The following GRIK2 variants were observed in gnomAD, a reference collection of about 807,000 sequenced individuals.
GRIK2 encodes glutamate ionotropic receptor kainate type subunit 2.
Under a neutral mutation model 100.3 loss-of-function variants are expected in GRIK2, and 32 were observed. That is an observed-to-expected ratio of 0.32 (90% CI 0.24 to 0.43). The LOEUF (loss-of-function observed/expected upper bound fraction) is 0.43. Among genes scored for constraint, GRIK2 ranks in the 20% least tolerant of loss-of-function variants. The pLI is 1.00. For synonymous variants in GRIK2, 417 were observed against 389.4 expected, an observed-to-expected ratio of 1.07 and a Z score of -0.83; for missense variants, 843 against 1,114.9, an observed-to-expected ratio of 0.76 and a Z score of 3.47.
rs1159020887 is a variant in GRIK2 at position 101,546,868 on chromosome 6, T to C, written c.116-75081T>C. The stretch of plus-strand genomic sequence containing the variant: ...TTTTTGGAGACGGAGTCTCGCTCTG[T>C]CGCCCAGGCTGGAGTGCAGTGGCGG... On this transcript the variant is annotated intron_variant, in intron 2 of 16. Transcript: ENST00000369134. 2.3e-5 allele frequency among the ~76,000 whole-genome samples: 3 copies of C among 128,356 alleles called. No individual in the cohort carries two copies. The Admixed American group carries it at 2.5e-4, about 11-fold the overall frequency. 84.2% of individuals were successfully genotyped at this position (128,356 alleles called of 152,430 possible). A position where few individuals can be genotyped will look rare whatever the true frequency, so the allele number is the denominator to read the frequency against.
intron 4 of GRIK2, among the ~76,000 whole-genome samples, chr6:101,652,303 A>G (rs1712423712): frequency 6.6e-6 from 1 of 152,130 alleles, no homozygotes; most frequent in Admixed American, 6.6e-5. Context: ...TTACCATAAG[A>G]GGCCAGAGAG....
chr6:101,508,500 T>A (rs935822007), intron 2 of GRIK2, among the ~76,000 whole-genome samples: 1 of 152,120 alleles, frequency 6.6e-6, no homozygotes, highest in African/African-American at 2.4e-5. Flanking sequence ...AAATATTGAT[T>A]TTTTTGTTAA....
chr6:102,011,741 C>A (rs1027903428), intron 14 of GRIK2, among the ~76,000 whole-genome samples: 1 of 151,736 alleles, frequency 6.6e-6, no homozygotes, highest in South Asian at 2.1e-4. Flanking sequence ...CCTGCCACCA[C>A]GCCCGGCTAA....
At chr6:101,730,794 G>A (rs1001258049) in intron 7 of GRIK2, among the ~76,000 whole-genome samples, 3 of 150,366 alleles carry the variant, frequency 2.0e-5, no homozygotes, top group African/African-American at 7.4e-5. Flanking sequence ...ATACTTCACA[G>A]CTGGGCAAGA....
intron 7 of GRIK2, among the ~76,000 whole-genome samples, chr6:101,732,329 T>C (rs1274460546): frequency 6.6e-6 from 1 of 152,054 alleles, no homozygotes; most frequent in Admixed American, 6.6e-5. Flanking sequence ...AATGATATTT[T>C]TAAAAAATTA....
At chr6:102,028,282 A>C (rs1769806232) in intron 14 of GRIK2, among the ~76,000 whole-genome samples, 1 of 151,194 alleles carries the variant, frequency 6.6e-6, no homozygotes. Flanking sequence ...TTTATTTTTG[A>C]CAAAAATACA....
rs1054523851 is a variant in GRIK2 at position 101,447,690 on chromosome 6, A to T, written c.115+48298A>T. ...TCTCACAGATTGATTTTTATTTATG[A>T]CCATCTTGAACTATTGATGAGACAT... On this transcript the variant is annotated intron_variant, in intron 2 of 16. Transcript: ENST00000369134. Among the ~76,000 whole-genome samples the T allele has an allele frequency of 2.6e-5, 4 of 151,630 alleles. No homozygotes were observed. In the East Asian group the frequency reaches 7.7e-4, roughly 29 times the overall value.
intron 2 of GRIK2, among the ~76,000 whole-genome samples, chr6:101,410,779 A>G (rs1775853048): frequency 6.6e-6 from 1 of 152,164 alleles, no homozygotes; most frequent in Admixed American, 6.6e-5. Flanking sequence ...TGTACCCCTG[A>G]ACCTAAAGTC....
chr6:102,020,316 A>G (rs897351914), intron 14 of GRIK2, among the ~76,000 whole-genome samples: 3 of 151,958 alleles, frequency 2.0e-5, no homozygotes, highest in African/African-American at 7.2e-5. Flanking sequence ...CTATAGCTTT[A>G]GGGTTCACTG....
At chr6:102,023,544 T>G (rs184549147) in intron 14 of GRIK2, among the ~76,000 whole-genome samples, 1 of 151,678 alleles carries the variant, frequency 6.6e-6, no homozygotes, top group African/African-American at 2.4e-5. Context: ...GGTTTTATTT[T>G]TCTCTGTAAA....
intron 7 of GRIK2, among the ~76,000 whole-genome samples, chr6:101,798,813 G>A (rs1460118988): frequency 1.3e-5 from 2 of 152,080 alleles, no homozygotes; most frequent in African/African-American, 4.8e-5. Context: ...ATTTAACACA[G>A]CACTTGAAAA....
intron 2 of GRIK2, among the ~76,000 whole-genome samples, chr6:101,596,599 A>T (rs1045591129): frequency 4.6e-5 from 7 of 151,716 alleles, no homozygotes; most frequent in African/African-American, 1.7e-4. Flanking sequence ...AGTGGGCTTG[A>T]TGATACTCTA....
At chr6:101,832,762 G>A (rs1197457446) in intron 10 of GRIK2, among the ~76,000 whole-genome samples, 3 of 152,080 alleles carry the variant, frequency 2.0e-5, no homozygotes, top group African/African-American at 7.2e-5. Context: ...CAATACAGGT[G>A]CCCATTATTA....
At chr6:101,997,878 AAC>A (rs1225477882) in intron 14 of GRIK2, among the ~76,000 whole-genome samples, 1 of 152,016 alleles carries the variant, frequency 6.6e-6, no homozygotes, top group Non-Finnish European at 1.5e-5. Flanking sequence ...ATGATATGTA[AAC>A]TTTGGAATAC....
chr6:101,990,313 A>C (rs1794286571), intron 14 of GRIK2, among the ~76,000 whole-genome samples: 1 of 151,686 alleles, frequency 6.6e-6, no homozygotes, highest in Non-Finnish European at 1.5e-5. Flanking sequence ...AAAGAAGTTA[A>C]GGTTTATGGG....
chr6:101,917,370 CTA>C (rs1477947416), intron 12 of GRIK2, among the ~76,000 whole-genome samples: 2 of 151,672 alleles, frequency 1.3e-5, no homozygotes, highest in African/African-American at 4.8e-5. Context: ...GCCTGATCAC[CTA>C]TGTTGAAAAA....
intron 2 of GRIK2, among the ~76,000 whole-genome samples, chr6:101,519,300 CGTGT>C (rs55646921): frequency 0.13 from 17,835 of 140,840 alleles, 1,137 homozygotes; most frequent in Non-Finnish European, 0.17. Context: ...CGGAGTTAAA[CGTGT>C]GTGTGTGTGT....
At chr6:102,048,568 C>CAT (rs1465118499) in intron 15 of GRIK2, among the ~76,000 whole-genome samples, 1 of 151,970 alleles carries the variant, frequency 6.6e-6, no homozygotes, top group East Asian at 1.9e-4. Flanking sequence ...CAAAAGAAAA[C>CAT]ATACAAATGA....
chr6:102,058,902 T>C lies in GRIK2; in HGVS notation c.2562+3322T>C, dbSNP rs545137289. On this transcript the variant is annotated intron_variant, in intron 16 of 16. Transcript: ENST00000369134. The stretch of plus-strand genomic sequence containing the variant: ...AGATATAATATATATGAAGTTTAGC[T>C]GAATGTGAACTTTGTGAATAAAATT... Among the ~76,000 whole-genome samples the C allele has an allele frequency of 2.6e-5, 4 of 151,524 alleles. No homozygotes were observed. In the South Asian group the frequency reaches 6.2e-4, roughly 24 times the overall value.
Sources: gnomAD v4.1 joint callset for allele counts (sites outside exome capture counted in the v4.1 genomes callset) on GRCh38, gnomAD v4.1.1 for gene constraint, MANE v1.5 for transcripts, NCBI Gene and HGNC (gene_info 2026-07-23, HGNC 2026-07-21) for gene names.